Variants in SRCAP observed in about 807,000 individuals in gnomAD.
The protein encoded by SRCAP is Snf2 related CREBBP activator protein, also known as chromatin remodeling protein SRCAP.
Under a neutral mutation model 263.1 loss-of-function variants are expected in SRCAP, and 46 were observed. The observed-to-expected ratio is 0.17, with a 90% CI of 0.14 to 0.22. The LOEUF is 0.22. Among genes scored for constraint, SRCAP ranks in the 10% least tolerant of loss-of-function variants. SRCAP has a pLI of 1.00. For synonymous variants in SRCAP, 1,813 were observed against 1,662.1 expected, an observed-to-expected ratio of 1.09 and a Z score of -2.21; for missense variants, 3,695 against 4,181.9, an observed-to-expected ratio of 0.88 and a Z score of 3.21.
rs770893736 is a variant in SRCAP at position 30,720,770 on chromosome 16, A to G, written c.3045A>G (p.Pro1015=). Residue 1015 remains proline (P), a synonymous_variant, in exon 20 of 34, where the codon CCA becomes CCG. Coordinates refer to ENST00000262518, the MANE Select transcript of SRCAP (RefSeq NM_006662.3). Reference sequence around the variant, plus strand: ...GGACAGTGGTGGTGGTGAACAACCCACGGGCGCCCCTGGGCCCTGTCCCAG... The same window carrying G: ...GGACAGTGGTGGTGGTGAACAACCCGCGGGCGCCCCTGGGCCCTGTCCCAG... ...EGRTVVVVNN[P]RAPLGPVPVR... 6.5e-5 allele frequency: 105 copies of G among 1,613,768 alleles called. No individual in the cohort carries two copies. Among genetic ancestry groups the G allele is most frequent in the Non-Finnish European group, 8.4e-5 (99 of 1,179,984 alleles).
intron 16 of SRCAP, among the ~76,000 whole-genome samples, chr16:30,715,588 G>A (rs1596650263): frequency 1.3e-5 from 2 of 151,012 alleles, no homozygotes; most frequent in Non-Finnish European, 2.9e-5. Flanking sequence ...AAAGAAAACA[G>A]GAAGTCTTCC....
chr16:30,723,241 T>A lies in SRCAP; in HGVS notation c.4159+12T>A, dbSNP rs770273432. Reference sequence around the variant, plus strand: ...ACCTGAAGTCAGTGGTGAGTCCAGGTGGCTGAGGCCAGAAATCCTTGCCAG... The same window carrying A: ...ACCTGAAGTCAGTGGTGAGTCCAGGAGGCTGAGGCCAGAAATCCTTGCCAG... On this transcript the variant is annotated intron_variant, in intron 24 of 33. Transcript: ENST00000262518. 1 of 1,587,462 alleles carries A rather than the reference T, an allele frequency of 6.3e-7. No individual in the cohort carries two copies. Among genetic ancestry groups the A allele is most frequent in the Admixed American group, 1.8e-5 (1 of 56,126 alleles).
chr16:30,735,178 G>T (rs1005467154), intron 31 of SRCAP, among the ~76,000 whole-genome samples: 2 of 122,150 alleles, frequency 1.6e-5, no homozygotes, highest in Non-Finnish European at 3.1e-5. Flanking sequence ...ACGGAGTCTC[G>T]CTCTGTCGCC....
At chr16:30,732,205 A>G (rs2053120608) in intron 27 of SRCAP, among the ~76,000 whole-genome samples, 1 of 151,926 alleles carries the variant, frequency 6.6e-6, no homozygotes, top group Non-Finnish European at 1.5e-5. Context: ...TAATCCCAGC[A>G]CTTTGGGAGG....
rs187562954 is a variant in SRCAP at position 30,709,702 on chromosome 16, C to T, written c.823C>T (p.Pro275Ser). 6.0e-5 allele frequency: 97 copies of T among 1,614,180 alleles called. No individual in the cohort carries two copies. Among genetic ancestry groups the T allele is most frequent in the East Asian group, 4.5e-5 (2 of 44,880 alleles). The change falls in exon 7 of 34, where the codon CCT becomes TCT. Residue 275 changes from proline to serine, a missense_variant. Around this residue, in one of 12 missense-constraint regions of SRCAP, gnomAD observed 44 missense variants for 42.9 expected, o/e 1.03. Transcript: ENST00000262518. ...CLGSSSAASS[P>S]PPPASRLDDE... is the part of the protein sequence containing the mutation. Reference sequence around the variant, plus strand: ...CGGCTCTTCCTCAGCTGCCTCCAGTCCTCCACCCCCTGCTTCTCGCCTGGA... The same window carrying T: ...CGGCTCTTCCTCAGCTGCCTCCAGTTCTCCACCCCCTGCTTCTCGCCTGGA...
rs2053050475 is a variant in SRCAP, at chr16:30,725,027, G to A, written c.5603G>A (p.Gly1868Asp). The change falls in exon 25 of 34, where the codon GGT becomes GAT. Residue 1868 changes from glycine to aspartate, a missense_variant. Gly to Asp is a moderately conservative substitution (Grantham distance 94, BLOSUM62 -1). Around this residue, in one of 12 missense-constraint regions of SRCAP, gnomAD observed 1,347 missense variants for 1,304.4 expected, o/e 1.03. Transcript: ENST00000262518. Reference sequence around the variant, plus strand: ...CCTCCCTCCACTGCTACCTCGTTTGGTGGCCCCCGGCCTCGACGCCAGCCC... The same window carrying A: ...CCTCCCTCCACTGCTACCTCGTTTGATGGCCCCCGGCCTCGACGCCAGCCC... ...PSPPSTATSF[G>D]GPRPRRQPPP... is the part of the protein sequence containing the mutation. 1.9e-6 allele frequency: 3 copies of A among 1,613,738 alleles called. No individual in the cohort carries two copies. The highest frequency in any genetic ancestry group is 1.1e-5 in the South Asian group (1 of 91,076).
chr16:30,732,727 G>A (rs531508295), intron 27 of SRCAP, among the ~76,000 whole-genome samples: 1 of 152,168 alleles, frequency 6.6e-6, no homozygotes, highest in African/African-American at 2.4e-5. Context: ...TTTTTCCCTC[G>A]ATGTTATGTA....
Position 30,707,032 on chromosome 16 carries a change from G to T in SRCAP, c.307-151G>T. On this transcript the variant is annotated intron_variant, in intron 4 of 33. Coordinates refer to ENST00000262518, the MANE Select transcript of SRCAP (RefSeq NM_006662.3). ...CTCCCTGATCTTTTTTCCCTTCTCT[G>T]AAGAGAGTATGATACCTGCCTGTAA... is the stretch of plus-strand genomic sequence containing the variant. 5 of 677,894 alleles carry T rather than the reference G, an allele frequency of 7.4e-6. No individual in the cohort carries two copies. In the South Asian group the frequency reaches 1.1e-4, roughly 15 times the overall value. The allele number at this position is 677,894 out of a possible 1,614,324, so 42.0% of individuals were successfully genotyped here.
intron 4 of SRCAP, among the ~76,000 whole-genome samples, chr16:30,705,738 A>C (rs1259977978): frequency 2.1e-5 from 3 of 139,864 alleles, no homozygotes; most frequent in Non-Finnish European, 3.1e-5. Context: ...ACGGAGTCTC[A>C]GTCTTTCGCT....
intron 20 of SRCAP, 38 bp from the exon 21 acceptor site, chr16:30,721,151 C>G (rs1274405385): frequency 1.3e-6 from 2 of 1,565,030 alleles, no homozygotes; most frequent in Non-Finnish European, 1.7e-6. Flanking sequence ...AGGCTTTAGT[C>G]AGGGTATATC....
intron 1 of SRCAP, among the ~76,000 whole-genome samples, chr16:30,699,492 C>T (rs138796711): frequency 7.2e-5 from 11 of 152,222 alleles, no homozygotes; most frequent in Non-Finnish European, 5.9e-5. Flanking sequence ...CAGCGCCCTG[C>T]CCTGAATCCT....
Position 30,736,310 on chromosome 16 carries a change from T to G in SRCAP, c.6840T>G (p.Gly2280=). The change falls in exon 32 of 34, where the codon GGT becomes GGG. Residue 2280 remains glycine (G), a synonymous_variant. Transcript: ENST00000262518. ...ATGAGAACGATGGGTTTCCTGCTGG[T>G]GAGGGAGAGGAAGCTGGCCGGCCTG... is the stretch of plus-strand genomic sequence containing the variant. ...EFNENDGFPA[G]EGEEAGRPGA... is the part of the protein sequence containing the mutation. 3 of 1,614,008 alleles carry G rather than the reference T, an allele frequency of 1.9e-6. No homozygotes were observed. The highest frequency in any genetic ancestry group is 2.5e-6 in the Non-Finnish European group (3 of 1,179,996).
At position 30,738,658 on chromosome 16, in the gene SRCAP, C is replaced by A. The variant is rs752497809; in HGVS notation, c.8618C>A (p.Ala2873Asp). ...PPKKNRSPAD[A>D]GRGVDEAPSS... ...AAGAAGAACAGGTCTCCAGCAGATG[C>A]TGGGAGAGGTGTGGATGAGGCACCC... The change falls in exon 34 of 34, where the codon GCT becomes GAT. Residue 2873 changes from alanine (A) to aspartate (D), a missense_variant. Ala to Asp is a moderately radical substitution (Grantham distance 126). Around this residue, in one of 12 missense-constraint regions of SRCAP, gnomAD observed 1,207 missense variants for 1,142.9 expected, o/e 1.06. Transcript: ENST00000262518. The A allele has an allele frequency of 3.7e-6, 6 of 1,612,538 alleles. No individual in the cohort carries two copies. Among genetic ancestry groups the A allele is most frequent in the Non-Finnish European group, 5.1e-6 (6 of 1,179,364 alleles).
intron 25 of SRCAP, among the ~76,000 whole-genome samples, chr16:30,728,475 T>C (rs1395049453): frequency 6.6e-6 from 1 of 152,208 alleles, no homozygotes; most frequent in Non-Finnish European, 1.5e-5. Context: ...GAGACTCGGA[T>C]GTCCGGTTAG....
At chr16:30,713,154 T>A in intron 14 of SRCAP, 54 bp from the exon 15 acceptor site, 1 of 1,567,432 alleles carries the variant, frequency 6.4e-7, no homozygotes, top group Non-Finnish European at 8.8e-7. Context: ...TGTCTTCCCT[T>A]TGCTCTCTTC....
At position 30,724,472 on chromosome 16, in the gene SRCAP, T is replaced by TAGCCCC. The variant is rs755914758; in HGVS notation, c.5052_5057dup (p.Pro1685_Ala1686dup). The stretch of plus-strand genomic sequence containing the variant: ...CCGGCTTCTACGCAGACACTGGCCC[T>TAGCCCC]AGCCCCAGCTTTAGCACCCACTCTT... On this transcript the variant is annotated inframe_insertion, in exon 25 of 34. Coordinates refer to ENST00000262518, the MANE Select transcript of SRCAP (RefSeq NM_006662.3). 4.3e-6 allele frequency: 7 copies of TAGCCCC among 1,614,162 alleles called. No homozygotes were observed. Among genetic ancestry groups the TAGCCCC allele is most frequent in the Non-Finnish European group, 5.9e-6 (7 of 1,180,016 alleles).
rs1262469231 is a variant in SRCAP at position 30,723,690 on chromosome 16, C to T, written c.4266C>T (p.Pro1422=). Reference sequence around the variant, plus strand: ...CAATGCCAATTCCCAACTCCTCTCCCCTTGCTAGTCCTGTGTCCTCTACAG... The same window carrying T: ...CAATGCCAATTCCCAACTCCTCTCCTCTTGCTAGTCCTGTGTCCTCTACAG... The part of the protein sequence containing the change: ...SSPMPIPNSS[P]LASPVSSTVS... The change falls in exon 25 of 34, where the codon CCC becomes CCT. Residue 1422 remains proline, a synonymous_variant. Transcript: ENST00000262518. 2 of 1,614,080 alleles carry T rather than the reference C, an allele frequency of 1.2e-6. No homozygotes were observed. Among genetic ancestry groups the T allele is most frequent in the East Asian group, 2.2e-5 (1 of 44,886 alleles).
At position 30,724,925 on chromosome 16, in the gene SRCAP, C is replaced by T; in HGVS notation, c.5501C>T (p.Pro1834Leu). 1.9e-6 allele frequency: 3 copies of T among 1,614,242 alleles called. No homozygotes were observed. The highest frequency in any genetic ancestry group is 2.5e-6 in the Non-Finnish European group (3 of 1,180,052). Residue 1834 changes from proline (P) to leucine (L), a missense_variant, in exon 25 of 34, where the codon CCT (proline) becomes CTT (leucine). Coordinates refer to ENST00000262518, the MANE Select transcript of SRCAP (RefSeq NM_006662.3). Reference protein sequence around the residue: ...VVSASGAAPLPVTMVSRLPVS... With the variant: ...VVSASGAAPLLVTMVSRLPVS... Reference sequence around the variant, plus strand: ...TCGGCATCTGGTGCCGCTCCCTTGCCTGTCACCATGGTATCCCGGCTGCCT... The same window carrying T: ...TCGGCATCTGGTGCCGCTCCCTTGCTTGTCACCATGGTATCCCGGCTGCCT...
At chr16:30,701,693 G>A (rs1295485199) in intron 3 of SRCAP, among the ~76,000 whole-genome samples, 1 of 150,492 alleles carries the variant, frequency 6.6e-6, no homozygotes, top group African/African-American at 2.4e-5. Flanking sequence ...GCAATGGCGC[G>A]ATCTCGGCTC....
Sources: gnomAD v4.1 joint callset for allele counts (sites outside exome capture counted in the v4.1 genomes callset) on GRCh38, gnomAD v4.1.1 for gene constraint, gnomAD v4.1.1 regional missense constraint, MANE v1.5 for transcripts, NCBI Gene and HGNC (gene_info 2026-07-23, HGNC 2026-07-21) for gene names.